The following CACNB2 variants were observed in gnomAD, a reference collection of about 807,000 sequenced individuals.
The protein encoded by CACNB2 is voltage-dependent L-type calcium channel subunit beta-2.
Under a neutral mutation model 73.3 loss-of-function variants are expected in CACNB2, and 42 were observed. The observed-to-expected ratio is 0.57, with a 90% CI of 0.45 to 0.74. The LOEUF is 0.74. Among genes scored for constraint, CACNB2 ranks in the 30% least tolerant of loss-of-function variants. The pLI is 0.00. For synonymous variants in CACNB2, 348 were observed against 310.3 expected (o/e 1.12, Z -1.28); for missense variants, 940 against 853.0 (o/e 1.10, Z -1.27).
At chr10:18,224,642 C>T (rs574473941) in intron 2 of CACNB2, among the ~76,000 whole-genome samples, 33 of 152,266 alleles carry the variant, frequency 2.2e-4, no homozygotes, top group Admixed American at 1.4e-3. Flanking sequence ...CCCTAGTCTC[C>T]TGTGTCAGAG....
chr10:18,155,014 A>G (rs1340441024), intron 2 of CACNB2, among the ~76,000 whole-genome samples: 1 of 152,228 alleles, frequency 6.6e-6, no homozygotes, highest in Admixed American at 6.5e-5. Context: ...AGATTAATAT[A>G]TAATTAGGCT....
intron 2 of CACNB2, among the ~76,000 whole-genome samples, chr10:18,357,170 C>A (rs2041956297): frequency 6.7e-6 from 1 of 148,996 alleles, no homozygotes; most frequent in South Asian, 2.1e-4. Context: ...GTCTCGATCT[C>A]CTGACCTCGT....
intron 2 of CACNB2, among the ~76,000 whole-genome samples, chr10:18,205,106 C>A (rs2489208): frequency 0.7 from 105,673 of 151,616 alleles, 38,083 homozygotes; most frequent in Non-Finnish European, 0.8. Context: ...TTCTTAAGAT[C>A]TGTATCATTG....
chr10:18,244,653 G>C (rs1033921828), intron 2 of CACNB2, among the ~76,000 whole-genome samples: 2 of 152,188 alleles, frequency 1.3e-5, no homozygotes, highest in African/African-American at 4.8e-5. Flanking sequence ...CTCCATAGGG[G>C]AGTATCCTTA....
At chr10:18,346,959 TC>T (rs1564455357) in intron 2 of CACNB2, among the ~76,000 whole-genome samples, 1 of 152,066 alleles carries the variant, frequency 6.6e-6, no homozygotes, top group African/African-American at 2.4e-5. Flanking sequence ...ACATCTAAGA[TC>T]CTTAATTGTG....
intron 2 of CACNB2, among the ~76,000 whole-genome samples, chr10:18,284,367 A>C (rs972646462): frequency 6.6e-6 from 1 of 152,194 alleles, no homozygotes; most frequent in African/African-American, 2.4e-5. Context: ...TGGGAGCTAC[A>C]ATTCAAGATG....
chr10:18,329,302 A>C (rs183237908), intron 2 of CACNB2, among the ~76,000 whole-genome samples: 3 of 152,282 alleles, frequency 2.0e-5, no homozygotes, highest in African/African-American at 7.2e-5. Context: ...CTCCCTGGTA[A>C]AGTGCTAAGC....
chr10:18,342,535 A>G (rs2041274665), intron 2 of CACNB2, among the ~76,000 whole-genome samples: 1 of 152,186 alleles, frequency 6.6e-6, no homozygotes, highest in Non-Finnish European at 1.5e-5. Flanking sequence ...TATCATGGGG[A>G]ATCTGCACAG....
intron 3 of CACNB2, among the ~76,000 whole-genome samples, chr10:18,485,646 C>G (rs1038039879): frequency 1.0e-4 from 15 of 150,732 alleles, no homozygotes; most frequent in African/African-American, 3.2e-4. Context: ...ACTGCAACCT[C>G]CACCTCCCGG....
intron 3 of CACNB2, among the ~76,000 whole-genome samples, chr10:18,421,283 G>C (rs190156226): frequency 1.3e-5 from 2 of 150,716 alleles, no homozygotes; most frequent in African/African-American, 2.4e-5. Context: ...TTACCAGTGT[G>C]GTTTTTTTTG....
intron 3 of CACNB2, among the ~76,000 whole-genome samples, chr10:18,454,545 G>A (rs1307924149): frequency 6.6e-6 from 1 of 152,182 alleles, no homozygotes; most frequent in Non-Finnish European, 1.5e-5. Flanking sequence ...TGCCCCCTTG[G>A]GGATGAGATT....
chr10:18,227,072 T>C lies in CACNB2; in HGVS notation c.213+76097T>C, dbSNP rs145568761. ...TAGAGGCAGAAAAAGAAATCTCCCT[T>C]CTGAAAAGACCATAATGATAAAACA... On this transcript the variant is annotated intron_variant, in intron 2 of 13. Transcript: ENST00000324631. 2.0e-5 allele frequency among the ~76,000 whole-genome samples: 3 copies of C among 152,284 alleles called. No individual in the cohort carries two copies. In the East Asian group the frequency reaches 5.8e-4, roughly 29 times the overall value.
intron 2 of CACNB2, among the ~76,000 whole-genome samples, chr10:18,225,241 G>A (rs1588755309): frequency 6.6e-6 from 1 of 152,194 alleles, no homozygotes; most frequent in African/African-American, 2.4e-5. Context: ...CCTGGCAGAG[G>A]ATGGGGGATG....
intron 2 of CACNB2, among the ~76,000 whole-genome samples, chr10:18,314,410 T>C (rs2040076274): frequency 6.6e-6 from 1 of 152,196 alleles, no homozygotes; most frequent in Non-Finnish European, 1.5e-5. Context: ...GATTGGGCTA[T>C]CTGAGACTGA....
intron 2 of CACNB2, among the ~76,000 whole-genome samples, chr10:18,267,956 A>G (rs1000133674): frequency 1.3e-5 from 2 of 152,226 alleles, no homozygotes; most frequent in Non-Finnish European, 2.9e-5. Flanking sequence ...CAAGAATAAT[A>G]AGAGTCTTAC....
At position 18,532,269 on chromosome 10, in the gene CACNB2, A is replaced by G. The variant is rs149605703; in HGVS notation, c.1055-1807A>G. 8.5e-5 allele frequency among the ~76,000 whole-genome samples: 13 copies of G among 152,318 alleles called. No homozygotes were observed. The East Asian group carries it at 2.5e-3, about 29-fold the overall frequency. On this transcript the variant is annotated intron_variant, in intron 10 of 13. Coordinates refer to ENST00000324631, the MANE Select transcript of CACNB2 (RefSeq NM_201596.3). ...TGTAAAGTATGTATGTAAGGCTACCACAAATATCTTTATATATGTGTATAT... is the reference window on the plus strand; with the variant it reads ...TGTAAAGTATGTATGTAAGGCTACCGCAAATATCTTTATATATGTGTATAT...
chr10:18,463,005 A>C (rs1018002705), intron 3 of CACNB2, among the ~76,000 whole-genome samples: 1 of 152,098 alleles, frequency 6.6e-6, no homozygotes, highest in African/African-American at 2.4e-5. Context: ...GGTCCACCCA[A>C]CTTGGCCTTC....
intron 2 of CACNB2, among the ~76,000 whole-genome samples, chr10:18,285,965 A>G (rs1018179279): frequency 5.3e-5 from 8 of 152,348 alleles, no homozygotes; most frequent in Admixed American, 5.2e-4. Context: ...AATTTGTAGA[A>G]TCACAGAAGA....
At chr10:18,172,377 AG>A (rs1312136752) in intron 2 of CACNB2, among the ~76,000 whole-genome samples, 3 of 152,196 alleles carry the variant, frequency 2.0e-5, no homozygotes, top group African/African-American at 7.2e-5. Context: ...AGAGGCAAAA[AG>A]CTAGCACTTC....
Sources: allele counts gnomAD v4.1 joint callset (sites outside exome capture counted in the v4.1 genomes callset), GRCh38; gene constraint gnomAD v4.1.1; transcripts MANE v1.5; gene names NCBI Gene and HGNC (gene_info 2026-07-23, HGNC 2026-07-21).